ENDOD1: variants seen among roughly 807,000 people sequenced by gnomAD.
ENDOD1 encodes the protein endonuclease domain containing 1.
In ENDOD1, 9 loss-of-function variants were observed where a neutral mutation model predicts 6.5. The observed-to-expected ratio is 1.39, with a 90% CI of 0.84 to 2.43. The LOEUF is 2.43. Ranked by LOEUF, ENDOD1 falls within the 30% of genes most tolerant of loss-of-function variation. ENDOD1 has a pLI of 0.00. For missense variants in ENDOD1, 648 were observed against 635.5 expected, an observed-to-expected ratio of 1.02 and a Z score of -0.21; for synonymous variants, 255 against 255.2, an observed-to-expected ratio of 1.00 and a Z score of 0.01.
intron 1 of ENDOD1, among the ~76,000 whole-genome samples, chr11:95,120,687 T>G (rs1565448280): frequency 2.0e-5 from 3 of 151,986 alleles, no homozygotes. Flanking sequence ...TCTCGGTAGG[T>G]CACATGCCCT....
intron 1 of ENDOD1, among the ~76,000 whole-genome samples, chr11:95,107,991 C>G (rs909298741): frequency 6.6e-6 from 1 of 152,134 alleles, no homozygotes; most frequent in African/African-American, 2.4e-5. Flanking sequence ...TTCTTAGGCT[C>G]CCTGGAGGAG....
At chr11:95,127,581 C>T (rs1407484237) in intron 1 of ENDOD1, among the ~76,000 whole-genome samples, 1 of 152,162 alleles carries the variant, frequency 6.6e-6, no homozygotes, top group African/African-American at 2.4e-5. Context: ...AATGTGTAAA[C>T]ATTCATTAGG....
At chr11:95,096,336 A>C (rs1329075151) in intron 1 of ENDOD1, among the ~76,000 whole-genome samples, 2 of 137,798 alleles carry the variant, frequency 1.5e-5, no homozygotes, top group Non-Finnish European at 3.0e-5. Flanking sequence ...CATCTGTCAT[A>C]GTAATAATTC....
intron 1 of ENDOD1, among the ~76,000 whole-genome samples, chr11:95,096,961 G>A (rs887110679): frequency 1.3e-5 from 2 of 152,134 alleles, no homozygotes; most frequent in African/African-American, 4.8e-5. Flanking sequence ...CTAAGAGTTC[G>A]AGACCAGCCT....
chr11:95,129,613 A>C lies in ENDOD1; in HGVS notation c.*34A>C. 1 of 1,572,564 alleles carries C rather than the reference A, an allele frequency of 6.4e-7. No homozygotes were observed. Among genetic ancestry groups the C allele is most frequent in the Non-Finnish European group, 8.6e-7 (1 of 1,157,948 alleles). ...AACTAATAGTATCCAGTCACAGTGAATTTGAAAGCTGGAATAGTTTGTCTT... is the reference window on the plus strand; with the variant it reads ...AACTAATAGTATCCAGTCACAGTGACTTTGAAAGCTGGAATAGTTTGTCTT... On this transcript the variant is annotated 3_prime_UTR_variant, in exon 2 of 2. Transcript: ENST00000278505.
chr11:95,123,829 T>G (rs1308209729), intron 1 of ENDOD1, among the ~76,000 whole-genome samples: 1 of 152,186 alleles, frequency 6.6e-6, no homozygotes, highest in African/African-American at 2.4e-5. Context: ...TTGCTCTTCT[T>G]TCTCCATGTG....
At chr11:95,128,293 C>G in intron 1 of ENDOD1, 84 bp from the exon 2 acceptor site, 3 of 1,500,418 alleles carry the variant, frequency 2.0e-6, no homozygotes, top group Non-Finnish European at 1.8e-6. Context: ...GTGGGGACTT[C>G]TCCAGAGTCT....
rs1591022730 is a variant in ENDOD1 at position 95,129,593 on chromosome 11, A to G, written c.*14A>G. 4 of 1,599,484 alleles carry G rather than the reference A, an allele frequency of 2.5e-6. No homozygotes were observed. The highest frequency in any genetic ancestry group is 3.4e-6 in the Non-Finnish European group (4 of 1,171,688). ...GGGGAGTTATAAACTCAAAAAACTA[A>G]TAGTATCCAGTCACAGTGAATTTGA... On this transcript the variant is annotated 3_prime_UTR_variant, in exon 2 of 2. Coordinates refer to ENST00000278505, the MANE Select transcript of ENDOD1 (RefSeq NM_015036.3).
intron 1 of ENDOD1, among the ~76,000 whole-genome samples, chr11:95,098,589 T>G (rs1555110566): frequency 6.6e-6 from 1 of 152,204 alleles, no homozygotes; most frequent in Non-Finnish European, 1.5e-5. Flanking sequence ...TACTCCGTTT[T>G]GGGCACTCTG....
In ENDOD1 at chr11:95,129,694, A is replaced by G; in HGVS notation, c.*115A>G. ...CATTATATTTTGGCCTTTGGTGGGGATGTCTGCTTGTTTTTGCAAAAGAAG... is the reference window on the plus strand; with the variant it reads ...CATTATATTTTGGCCTTTGGTGGGGGTGTCTGCTTGTTTTTGCAAAAGAAG... On this transcript the variant is annotated 3_prime_UTR_variant, in exon 2 of 2. Coordinates refer to ENST00000278505, the MANE Select transcript of ENDOD1 (RefSeq NM_015036.3). The G allele has an allele frequency of 4.2e-6, 5 of 1,182,710 alleles. No individual in the cohort carries two copies. Among genetic ancestry groups the G allele is most frequent in the Non-Finnish European group, 3.6e-6 (3 of 843,566 alleles). 73.3% of individuals were successfully genotyped at this position (1,182,710 alleles called of 1,614,324 possible).
chr11:95,104,068 C>G (rs991314970), intron 1 of ENDOD1, among the ~76,000 whole-genome samples: 1 of 152,208 alleles, frequency 6.6e-6, no homozygotes, highest in Non-Finnish European at 1.5e-5. Flanking sequence ...TGTTACCCCT[C>G]TTCTCTTTAG....
chr11:95,109,480 G>A (rs1555111707), intron 1 of ENDOD1, among the ~76,000 whole-genome samples: 1 of 152,234 alleles, frequency 6.6e-6, no homozygotes, highest in Non-Finnish European at 1.5e-5. Context: ...TCACTCCCTG[G>A]TGTGCAGGAC....
chr11:95,129,705 T>G lies in ENDOD1; in HGVS notation c.*126T>G. 9.5e-7 allele frequency: 1 copy of G among 1,052,488 alleles called. No individual in the cohort carries two copies. The highest frequency in any genetic ancestry group is 1.4e-6 in the Non-Finnish European group (1 of 731,392). 65.2% of individuals were successfully genotyped at this position (1,052,488 alleles called of 1,614,324 possible). On this transcript the variant is annotated 3_prime_UTR_variant, in exon 2 of 2. Coordinates refer to ENST00000278505, the MANE Select transcript of ENDOD1 (RefSeq NM_015036.3). ...GGCCTTTGGTGGGGATGTCTGCTTG[T>G]TTTTGCAAAAGAAGATGGCAGAATT...
In ENDOD1 at chr11:95,097,154, CAA is replaced by C. The variant is rs34990638; in HGVS notation, c.300+6940_300+6941del. Reference sequence around the variant, plus strand: ...TGGGGGACAGAGTAAGACCCTGTTTCAAAAAAAAAAAAAAGGCATATTAGACA... The same window carrying C: ...TGGGGGACAGAGTAAGACCCTGTTTCAAAAAAAAAAAAGGCATATTAGACA... On this transcript the variant is annotated intron_variant, in intron 1 of 1. Coordinates refer to ENST00000278505, the MANE Select transcript of ENDOD1 (RefSeq NM_015036.3). 6.3e-3 allele frequency among the ~76,000 whole-genome samples: 879 copies of C among 140,180 alleles called. 7 individuals are homozygous for C. The highest frequency in any genetic ancestry group is 0.021 in the African/African-American group (806 of 37,734). 92.0% of individuals were successfully genotyped at this position (140,180 alleles called of 152,430 possible).
chr11:95,114,670 A>T (rs907800964), intron 1 of ENDOD1, among the ~76,000 whole-genome samples: 1 of 152,176 alleles, frequency 6.6e-6, no homozygotes, highest in Non-Finnish European at 1.5e-5. Context: ...TGACTTTTGT[A>T]TATAATAACA....
chr11:95,116,702 T>G (rs751697724), intron 1 of ENDOD1, among the ~76,000 whole-genome samples: 5 of 152,326 alleles, frequency 3.3e-5, no homozygotes, highest in Non-Finnish European at 5.9e-5. Flanking sequence ...CCATTATTAT[T>G]TGTTTCAAGA....
chr11:95,100,865 GTTT>G (rs34680715), intron 1 of ENDOD1, among the ~76,000 whole-genome samples: 1 of 72,286 alleles, frequency 1.4e-5, no homozygotes, highest in Non-Finnish European at 2.4e-5. Context: ...CCTGCTGGGT[GTTT>G]TTTTTTTTTT....
chr11:95,119,620 C>T lies in ENDOD1; in HGVS notation c.301-8757C>T, dbSNP rs181187630. ...GACTGTGGTGGGTCAGACCTGAAGC[C>T]AGCACAGTACTTGGTTCATCCACAG... is the stretch of plus-strand genomic sequence containing the variant. On this transcript the variant is annotated intron_variant, in intron 1 of 1. Coordinates refer to ENST00000278505, the MANE Select transcript of ENDOD1 (RefSeq NM_015036.3). 2.6e-4 allele frequency among the ~76,000 whole-genome samples: 39 copies of T among 152,336 alleles called. 1 individual carries two copies. The highest frequency in any genetic ancestry group is 8.2e-4 in the African/African-American group (34 of 41,584).
Position 95,129,710 on chromosome 11 carries a change from G to A in ENDOD1, c.*131G>A. The A allele has an allele frequency of 2.0e-6, 2 of 989,858 alleles. No homozygotes were observed. Among genetic ancestry groups the A allele is most frequent in the Non-Finnish European group, 3.0e-6 (2 of 677,376 alleles). The allele number at this position is 989,858 out of a possible 1,614,324, so 61.3% of individuals were successfully genotyped here. ...TTGGTGGGGATGTCTGCTTGTTTTT[G>A]CAAAAGAAGATGGCAGAATTTAGAC... On this transcript the variant is annotated 3_prime_UTR_variant, in exon 2 of 2. Transcript: ENST00000278505.
Sources: gnomAD v4.1 joint callset for allele counts (sites outside exome capture counted in the v4.1 genomes callset) on GRCh38, gnomAD v4.1.1 for gene constraint, MANE v1.5 for transcripts, NCBI Gene and HGNC (gene_info 2026-07-23, HGNC 2026-07-21) for gene names.